LIMA1: variants seen among roughly 807,000 people sequenced by gnomAD.
The protein encoded by LIMA1 is LIM domain and actin-binding protein 1.
LIMA1 carries 52 observed loss-of-function variants against 62.6 expected under a neutral mutation model. That is an observed-to-expected ratio of 0.83 (90% CI 0.67 to 1.05). The LOEUF is 1.05. Ranked by LOEUF, LIMA1 falls within the 50% of genes least tolerant of loss-of-function variation. The pLI, the probability that LIMA1 is intolerant of heterozygous loss-of-function variation, is 0.00. For synonymous variants in LIMA1, 302 were observed against 317.8 expected (o/e 0.95, Z 0.53); for missense variants, 780 against 902.2 (o/e 0.86, Z 1.74).
chr12:50,246,811 G>A (rs867806643), intron 2 of LIMA1, among the ~76,000 whole-genome samples: 2 of 151,956 alleles, frequency 1.3e-5, no homozygotes, highest in Admixed American at 6.6e-5. Flanking sequence ...TCTTAGACTC[G>A]ACTCATTCCA....
chr12:50,231,840 T>C, intron 2 of LIMA1, 130 bp from the exon 3 acceptor site: 2 of 777,860 alleles, frequency 2.6e-6, no homozygotes, highest in Non-Finnish European at 4.2e-6. Context: ...CGATCTCGGC[T>C]CACTGCAACT....
intron 1 of LIMA1, among the ~76,000 whole-genome samples, chr12:50,272,580 G>A (rs1374063088): frequency 1.6e-5 from 2 of 122,424 alleles, no homozygotes; most frequent in Admixed American, 8.8e-5. Context: ...CAACAAGAGC[G>A]AAACTCCGTC....
chr12:50,194,131 G>A (rs1940873648), intron 8 of LIMA1, among the ~76,000 whole-genome samples: 1 of 150,112 alleles, frequency 6.7e-6, no homozygotes. Flanking sequence ...GGGACTACAG[G>A]CACCCACCAC....
chr12:50,276,625 C>G (rs540869137), intron 1 of LIMA1, among the ~76,000 whole-genome samples: 1 of 152,186 alleles, frequency 6.6e-6, no homozygotes, highest in African/African-American at 2.4e-5. Flanking sequence ...AATTGTAACA[C>G]TTTGGAAGGC....
chr12:50,257,665 T>G (rs540338658), intron 1 of LIMA1, among the ~76,000 whole-genome samples: 3 of 152,240 alleles, frequency 2.0e-5, no homozygotes. Context: ...AGCAGGGAAC[T>G]CTCTTTTTCT....
At chr12:50,241,080 A>G (rs1392752400) in intron 2 of LIMA1, among the ~76,000 whole-genome samples, 6 of 152,328 alleles carry the variant, frequency 3.9e-5, no homozygotes, top group Non-Finnish European at 8.8e-5. Context: ...CTCTCTCATT[A>G]TAATTAATTC....
chr12:50,232,005 T>G (rs910857429), intron 2 of LIMA1, among the ~76,000 whole-genome samples: 1 of 149,980 alleles, frequency 6.7e-6, no homozygotes, highest in Non-Finnish European at 1.5e-5. Flanking sequence ...TGACCTCAAG[T>G]GATCCACCTG....
At chr12:50,260,930 C>CA (rs34256869) in intron 1 of LIMA1, among the ~76,000 whole-genome samples, 1,587 of 76,060 alleles carry the variant, frequency 0.021, 33 homozygotes, top group East Asian at 0.06. Context: ...TAACTTGCCC[C>CA]AAAAAAAAAA....
At chr12:50,241,224 T>C (rs1941772348) in intron 2 of LIMA1, among the ~76,000 whole-genome samples, 1 of 152,174 alleles carries the variant, frequency 6.6e-6, no homozygotes, top group Non-Finnish European at 1.5e-5. Flanking sequence ...TCCCTAAAAG[T>C]GAGAATTCAG....
chr12:50,204,752 C>T, intron 5 of LIMA1, 52 bp from the exon 6 acceptor site: 1 of 1,566,906 alleles, frequency 6.4e-7, no homozygotes, highest in African/African-American at 1.3e-5. Flanking sequence ...TGGGGTCTCA[C>T]TCTATCACCC....
chr12:50,269,360 GT>G (rs1184636097), intron 1 of LIMA1, among the ~76,000 whole-genome samples: 23 of 152,166 alleles, frequency 1.5e-4, no homozygotes, highest in African/African-American at 5.5e-4. Context: ...TTAAATAAAT[GT>G]TAGCTCTTTT....
At chr12:50,277,108 A>T (rs1942284642) in intron 1 of LIMA1, among the ~76,000 whole-genome samples, 1 of 152,172 alleles carries the variant, frequency 6.6e-6, no homozygotes, top group African/African-American at 2.4e-5. Flanking sequence ...CATTGTAGAT[A>T]ATCGAGTTTT....
At chr12:50,201,462 A>T in intron 6 of LIMA1, 1 of 980,328 alleles carries the variant, frequency 1.0e-6, no homozygotes, top group Non-Finnish European at 1.2e-6. Flanking sequence ...CTAAAGACAT[A>T]ATTTATTTTA....
intron 9 of LIMA1, among the ~76,000 whole-genome samples, chr12:50,182,575 T>C (rs1343693134): frequency 6.6e-6 from 1 of 152,224 alleles, no homozygotes; most frequent in Admixed American, 6.5e-5. Context: ...CTAGACATAC[T>C]ATTTTTAAAC....
chr12:50,263,857 GTATATATA>G (rs67882718), intron 1 of LIMA1, among the ~76,000 whole-genome samples: 1 of 125,684 alleles, frequency 8.0e-6, no homozygotes, highest in Non-Finnish European at 1.6e-5. Context: ...TATATAGAGA[GTATATATA>G]TATATATATA....
At chr12:50,206,930 ATT>A (rs983216503) in intron 4 of LIMA1, among the ~76,000 whole-genome samples, 1 of 147,152 alleles carries the variant, frequency 6.8e-6, no homozygotes, top group Admixed American at 6.8e-5. Flanking sequence ...GATGACACAG[ATT>A]TTTTTTTTTT....
chr12:50,269,477 T>C (rs911435447), intron 1 of LIMA1, among the ~76,000 whole-genome samples: 8 of 152,150 alleles, frequency 5.3e-5, no homozygotes, highest in Non-Finnish European at 1.0e-4. Context: ...CTTATTTCTG[T>C]TAAATCACCA....
chr12:50,282,116 G>A (rs1250947435), intron 1 of LIMA1, among the ~76,000 whole-genome samples: 1 of 151,058 alleles, frequency 6.6e-6, no homozygotes, highest in Non-Finnish European at 1.5e-5. Context: ...ACTTTTTTTT[G>A]CCTTCTTTCA....
chr12:50,248,679 G>A lies in LIMA1; in HGVS notation c.73C>T (p.Leu25Phe). Residue 25 changes from leucine to phenylalanine, a missense_variant, in exon 2 of 11, where the codon CTT becomes TTT. Physicochemically the swap from Leu to Phe is conservative, Grantham distance 22. Coordinates refer to ENST00000341247, the MANE Select transcript of LIMA1 (RefSeq NM_016357.5). ...GCCGATGACTTGTTCTTGTTGACAA[G>A]AGAAAGTTCTTTGGCTGTTACCCTC... ...SLRVTAKELS[L>F]VNKNKSSAIV... 1 of 1,613,784 alleles carries A rather than the reference G, an allele frequency of 6.2e-7. No individual in the cohort carries two copies. The highest frequency in any genetic ancestry group is 8.5e-7 in the Non-Finnish European group (1 of 1,179,680).
Sources: allele counts gnomAD v4.1 joint callset (sites outside exome capture counted in the v4.1 genomes callset), GRCh38; gene constraint gnomAD v4.1.1; transcripts MANE v1.5; gene names NCBI Gene and HGNC (gene_info 2026-07-23, HGNC 2026-07-21).